Variants in DLC1 observed in about 807,000 individuals in gnomAD.
The protein encoded by DLC1 is rho GTPase-activating protein 7.
A neutral mutation model predicts 140.3 loss-of-function variants in DLC1; 54 were observed. That is an observed-to-expected ratio of 0.38 (90% CI 0.31 to 0.48). The LOEUF (loss-of-function observed/expected upper bound fraction) is 0.48, where lower values mean the gene tolerates loss of function less well. DLC1 is among the 20% of genes least tolerant of loss of function. The pLI is 0.96. For synonymous variants in DLC1, 986 were observed against 728.1 expected (o/e 1.35, Z -5.70); for missense variants, 2,536 against 1,907.0 (o/e 1.33, Z -6.14).
intron 1 of DLC1, among the ~76,000 whole-genome samples, chr8:13,586,463 A>G (rs895696140): frequency 2.6e-5 from 4 of 152,184 alleles, no homozygotes; most frequent in African/African-American, 9.7e-5. Context: ...TGTTAAAGAT[A>G]TAAGAAATGT....
intron 1 of DLC1, among the ~76,000 whole-genome samples, chr8:13,569,945 G>C (rs1804588873): frequency 6.6e-6 from 1 of 152,110 alleles, no homozygotes; most frequent in Admixed American, 6.6e-5. Flanking sequence ...AGACTGGTCT[G>C]GAATTCCTGA....
At chr8:13,487,568 A>C in intron 2 of DLC1, among the ~76,000 whole-genome samples, 1 of 151,880 alleles carries the variant, frequency 6.6e-6, no homozygotes, top group East Asian at 1.9e-4. Context: ...AGAGTTAGAA[A>C]ATGTTTTCCT....
chr8:13,447,076 C>G, intron 2 of DLC1, among the ~76,000 whole-genome samples: 1 of 152,244 alleles, frequency 6.6e-6, no homozygotes, highest in Non-Finnish European at 1.5e-5. Context: ...TTTCTCTAAA[C>G]TTTCCCTGTG....
chr8:13,282,173 A>G (rs1563222062), intron 5 of DLC1, among the ~76,000 whole-genome samples: 1 of 152,142 alleles, frequency 6.6e-6, no homozygotes, highest in Non-Finnish European at 1.5e-5. Context: ...AGCTATTAGT[A>G]TATATAATTG....
intron 2 of DLC1, among the ~76,000 whole-genome samples, chr8:13,409,960 A>G (rs1837717318): frequency 6.6e-6 from 1 of 152,164 alleles, no homozygotes; most frequent in South Asian, 2.1e-4. Context: ...TTTGAGGAAC[A>G]TTTTAGTAGA....
chr8:13,276,735 C>T, intron 5 of DLC1: 1 of 435,534 alleles, frequency 2.3e-6, no homozygotes. Context: ...CATAGCAGGT[C>T]TTCCCTTCAG....
chr8:13,399,014 G>A (rs957067553), intron 3 of DLC1, among the ~76,000 whole-genome samples: 2 of 152,130 alleles, frequency 1.3e-5, no homozygotes, highest in African/African-American at 2.4e-5. Context: ...TGTGGGAGAA[G>A]ATCCAGGGAG....
At chr8:13,405,300 T>A (rs1307251801) in intron 2 of DLC1, among the ~76,000 whole-genome samples, 2 of 151,294 alleles carry the variant, frequency 1.3e-5, no homozygotes, top group Non-Finnish European at 3.0e-5. Flanking sequence ...CCCTCCCTCC[T>A]TCTCCCCTCT....
At chr8:13,508,288 A>C (rs77672737) in intron 1 of DLC1, among the ~76,000 whole-genome samples, 5,201 of 152,306 alleles carry the variant, frequency 0.034, 288 homozygotes, top group African/African-American at 0.12. Flanking sequence ...ATGTAATTTG[A>C]GGAAACTGGG....
chr8:13,359,000 G>A (rs553711002), intron 4 of DLC1, among the ~76,000 whole-genome samples: 23 of 152,164 alleles, frequency 1.5e-4, no homozygotes, highest in Admixed American at 5.2e-4. Flanking sequence ...GTGCAGTGGC[G>A]CGATCTAGGC....
intron 1 of DLC1, among the ~76,000 whole-genome samples, chr8:13,536,483 TC>T (rs1158812498): frequency 6.6e-6 from 1 of 152,184 alleles, no homozygotes; most frequent in Non-Finnish European, 1.5e-5. Context: ...ACAAGCTTCT[TC>T]ATATTCAGTA....
intron 1 of DLC1, among the ~76,000 whole-genome samples, chr8:13,547,165 T>C (rs1803680239): frequency 6.6e-6 from 1 of 152,112 alleles, no homozygotes; most frequent in Non-Finnish European, 1.5e-5. Flanking sequence ...GTTTAATTTA[T>C]TGGGAAACAA....
Position 13,098,387 on chromosome 8 carries a change from T to A in DLC1, c.3167+12A>T, listed in dbSNP as rs1367185794. On this transcript the variant is annotated intron_variant, in intron 10 of 17. Transcript: ENST00000276297. Reference sequence around the variant, plus strand: ...TTTTCAACGACAGTTGACTGATCATTTAAACTCTTACCAGCTAAAACCATG... The same window carrying A: ...TTTTCAACGACAGTTGACTGATCATATAAACTCTTACCAGCTAAAACCATG... The A allele has an allele frequency of 6.2e-7, 1 of 1,613,632 alleles. No individual in the cohort carries two copies. The highest frequency in any genetic ancestry group is 2.2e-5 in the East Asian group (1 of 44,882).
intron 5 of DLC1, among the ~76,000 whole-genome samples, chr8:13,163,024 A>T (rs953194718): frequency 1.3e-5 from 2 of 152,176 alleles, no homozygotes; most frequent in Non-Finnish European, 2.9e-5. Flanking sequence ...TGTTGACACC[A>T]TGTAGCCTCT....
At chr8:13,570,146 T>G (rs910331943) in intron 1 of DLC1, among the ~76,000 whole-genome samples, 1 of 152,350 alleles carries the variant, frequency 6.6e-6, no homozygotes, top group East Asian at 1.9e-4. Context: ...TAAGGTCACA[T>G]AGTGGTTCTT....
intron 1 of DLC1, among the ~76,000 whole-genome samples, chr8:13,566,392 C>G (rs1804430329): frequency 7.1e-6 from 1 of 140,298 alleles, no homozygotes; most frequent in Non-Finnish European, 1.6e-5. Flanking sequence ...CTTCGAGGTC[C>G]TCAGAATGCT....
At chr8:13,403,910 C>T (rs1837411605) in intron 2 of DLC1, among the ~76,000 whole-genome samples, 1 of 148,350 alleles carries the variant, frequency 6.7e-6, no homozygotes, top group Non-Finnish European at 1.5e-5. Flanking sequence ...ACTCTCGTCT[C>T]GGCTTCCCAA....
intron 5 of DLC1, among the ~76,000 whole-genome samples, chr8:13,251,876 C>T (rs6980753): frequency 0.23 from 35,520 of 151,870 alleles, 4,304 homozygotes; most frequent in South Asian, 0.34. Context: ...ATAGTTGGGT[C>T]CAAAGTATTG....
intron 4 of DLC1, among the ~76,000 whole-genome samples, chr8:13,369,989 C>G (rs1835660255): frequency 6.6e-6 from 1 of 151,206 alleles, no homozygotes; most frequent in South Asian, 2.1e-4. Flanking sequence ...GGACTGGTCA[C>G]TCCTCCTCGC....
Sources: gnomAD v4.1 joint callset for allele counts (sites outside exome capture counted in the v4.1 genomes callset) on GRCh38, gnomAD v4.1.1 for gene constraint, MANE v1.5 for transcripts, NCBI Gene and HGNC (gene_info 2026-07-23, HGNC 2026-07-21) for gene names.